Variants in DDHD1 observed in about 807,000 individuals in gnomAD.
DDHD1 encodes the protein phospholipase DDHD1.
In DDHD1, 49 loss-of-function variants were observed where a neutral mutation model predicts 96.4. The ratio of observed to expected loss-of-function variants is 0.51; its 90% CI spans 0.40 to 0.64. The LOEUF is 0.64. DDHD1 is among the 30% of genes least tolerant of loss of function. DDHD1 has a pLI of 0.00. For missense variants in DDHD1, 1,106 were observed against 1,161.2 expected, an observed-to-expected ratio of 0.95 and a Z score of 0.69; for synonymous variants, 442 against 446.5, an observed-to-expected ratio of 0.99 and a Z score of 0.13.
chr14:53,092,719 C>T (rs896212177), intron 3 of DDHD1: 8 of 152,420 alleles, frequency 5.2e-5, no homozygotes, highest in African/African-American at 1.7e-4. Context: ...GTGATGCATC[C>T]CTGTAATCCT....
intron 4 of DDHD1, 75 bp downstream of exon 4, chr14:53,091,710 G>T: frequency 6.8e-7 from 1 of 1,464,594 alleles, no homozygotes; most frequent in Non-Finnish European, 9.3e-7. Context: ...TTAGTATACT[G>T]TTAATATCTC....
chr14:53,047,963 T>G (rs1882174525), intron 12 of DDHD1, among the ~76,000 whole-genome samples: 1 of 152,108 alleles, frequency 6.6e-6, no homozygotes, highest in Non-Finnish European at 1.5e-5. Context: ...CCCCTGAACA[T>G]GCACCAAAAG....
At chr14:53,082,442 CTTTT>C (rs35059788) in intron 4 of DDHD1, among the ~76,000 whole-genome samples, 1 of 121,918 alleles carries the variant, frequency 8.2e-6, no homozygotes, top group Non-Finnish European at 1.7e-5. Flanking sequence ...TCCAAGATAC[CTTTT>C]TTTTTTTTTT....
At chr14:53,092,029 T>G in intron 3 of DDHD1, 97 bp from the exon 4 acceptor site, 1 of 1,260,366 alleles carries the variant, frequency 7.9e-7, no homozygotes, top group East Asian at 2.5e-5. Context: ...AGGAATATTA[T>G]GAAAAAATTT....
intron 1 of DDHD1, among the ~76,000 whole-genome samples, chr14:53,131,890 C>G (rs141109181): frequency 1.1e-4 from 16 of 152,258 alleles, no homozygotes; most frequent in African/African-American, 3.8e-4. Flanking sequence ...CCTACCTCGG[C>G]ATAATTCTTC....
chr14:53,094,842 T>C (rs1886740536), intron 2 of DDHD1, among the ~76,000 whole-genome samples: 1 of 58,002 alleles, frequency 1.7e-5, no homozygotes, highest in Non-Finnish European at 3.4e-5. Flanking sequence ...AGATCCTGTC[T>C]CAAAAAAAAA....
intron 1 of DDHD1, 37 bp downstream of exon 1, chr14:53,152,224 G>A (rs1280652667): frequency 1.5e-5 from 23 of 1,549,674 alleles, no homozygotes; most frequent in Non-Finnish European, 2.0e-5. Context: ...CCATGCAGGG[G>A]CAGCCCGTCC....
At chr14:53,143,569 A>T (rs1890787304) in intron 1 of DDHD1, among the ~76,000 whole-genome samples, 1 of 152,136 alleles carries the variant, frequency 6.6e-6, no homozygotes, top group South Asian at 2.1e-4. Flanking sequence ...CATATTCTGT[A>T]TCTGTCCTGA....
intron 1 of DDHD1, among the ~76,000 whole-genome samples, chr14:53,131,001 C>T (rs559716729): frequency 4.6e-5 from 7 of 152,288 alleles, no homozygotes; most frequent in East Asian, 1.9e-4. Context: ...TTCTTTTCAA[C>T]GGCCTGTTTC....
At position 53,046,759 on chromosome 14, in the gene DDHD1, CA is replaced by C; in HGVS notation, c.*8del. ...TCAGTTTTAGGCCATTCATGTCCTT[CA>C]AGAGAGTTCAGATTGGATCTAAATT... On this transcript the variant is annotated 3_prime_UTR_variant, in exon 13 of 13. Coordinates refer to ENST00000673822, the MANE Select transcript of DDHD1 (RefSeq NM_001160148.2). 1.6e-6 allele frequency: 2 copies of C among 1,214,026 alleles called. No homozygotes were observed. Among genetic ancestry groups the C allele is most frequent in the Non-Finnish European group, 1.1e-6 (1 of 916,420 alleles). The allele number at this position is 1,214,026 out of a possible 1,614,324, so 75.2% of individuals were successfully genotyped here.
intron 1 of DDHD1, among the ~76,000 whole-genome samples, chr14:53,150,293 C>A (rs188015730): frequency 6.6e-6 from 1 of 152,318 alleles, no homozygotes; most frequent in Non-Finnish European, 1.5e-5. Flanking sequence ...GGGACGCTTT[C>A]CTGATACCCT....
At chr14:53,109,211 C>CTTTT (rs1887923930) in intron 1 of DDHD1, among the ~76,000 whole-genome samples, 1 of 152,118 alleles carries the variant, frequency 6.6e-6, no homozygotes, top group Non-Finnish European at 1.5e-5. Context: ...AGGTGTCGTT[C>CTTTT]TTTTCTCTGT....
chr14:53,147,449 T>C (rs562033718), intron 1 of DDHD1, among the ~76,000 whole-genome samples: 1 of 152,324 alleles, frequency 6.6e-6, no homozygotes, highest in East Asian at 1.9e-4. Flanking sequence ...TTATAACATT[T>C]TGGCCATACG....
intron 1 of DDHD1, among the ~76,000 whole-genome samples, chr14:53,108,929 G>A (rs947536642): frequency 6.6e-6 from 1 of 152,142 alleles, no homozygotes; most frequent in Non-Finnish European, 1.5e-5. Context: ...TTTATCAACT[G>A]AAACACTTTC....
intron 2 of DDHD1, among the ~76,000 whole-genome samples, chr14:53,095,667 A>G (rs1886826869): frequency 6.6e-6 from 1 of 152,218 alleles, no homozygotes; most frequent in African/African-American, 2.4e-5. Context: ...TTTTAAATAA[A>G]AGAGCTTTTC....
chr14:53,122,640 C>T (rs556510903), intron 1 of DDHD1, among the ~76,000 whole-genome samples: 38 of 147,040 alleles, frequency 2.6e-4, no homozygotes, highest in East Asian at 6.1e-4. Context: ...TGCAGTGGTG[C>T]GATCTTGGCC....
Position 53,046,649 on chromosome 14 carries a change from A to AT in DDHD1, c.*118dup. The AT allele has an allele frequency of 3.4e-6, 2 of 583,152 alleles. No homozygotes were observed. The highest frequency in any genetic ancestry group is 3.9e-5 in the African/African-American group (2 of 51,548). The allele number at this position is 583,152 out of a possible 1,614,324, so 36.1% of individuals were successfully genotyped here. The stretch of plus-strand genomic sequence containing the variant: ...ATAAAGTGCTTTTAAATTCAAATAT[A>AT]TGTTGCCCTAAAGAAAACTGAAATA... On this transcript the variant is annotated 3_prime_UTR_variant, in exon 13 of 13. Transcript: ENST00000673822.
rs1465525005 is a variant in DDHD1, at chr14:53,062,800, C to G, written c.1766+143G>C. 5.1e-6 allele frequency: 4 copies of G among 783,866 alleles called. No homozygotes were observed. The Admixed American group carries it at 1.3e-4, about 25-fold the overall frequency. 48.6% of individuals were successfully genotyped at this position (783,866 alleles called of 1,614,324 possible). ...TAGCATGAAAATCAACAGTCTCCAG[C>G]TTGATTAGGCATGCTATATAGTAAT... On this transcript the variant is annotated intron_variant, in intron 7 of 12. Coordinates refer to ENST00000673822, the MANE Select transcript of DDHD1 (RefSeq NM_001160148.2).
At position 53,152,332 on chromosome 14, in the gene DDHD1, G is replaced by A; in HGVS notation, c.767C>T (p.Pro256Leu). 2 of 1,614,058 alleles carry A rather than the reference G, an allele frequency of 1.2e-6. No homozygotes were observed. Among genetic ancestry groups the A allele is most frequent in the African/African-American group, 2.7e-5 (2 of 75,058 alleles). ...PEMVELVNIE[P>L]VCVRGGLYEV... ...GTAGAGGCCGCCCCGCACGCACACA[G>A]GCTCGATGTTCACAAGCTCCACCAT... The change falls in exon 1 of 13, where the codon CCT becomes CTT. Residue 256 changes from proline (P) to leucine (L), a missense_variant. Coordinates refer to ENST00000673822, the MANE Select transcript of DDHD1 (RefSeq NM_001160148.2).
Sources: gnomAD v4.1 joint callset for allele counts (sites outside exome capture counted in the v4.1 genomes callset) on GRCh38, gnomAD v4.1.1 for gene constraint, MANE v1.5 for transcripts, NCBI Gene and HGNC (gene_info 2026-07-23, HGNC 2026-07-21) for gene names.